PDCD2: variants seen among roughly 807,000 people sequenced by gnomAD.
PDCD2 encodes the protein uS5 assembly chaperone PDCD2.
In PDCD2, 38 loss-of-function variants were observed where a neutral mutation model predicts 38.1. The ratio of observed to expected loss-of-function variants is 1.00; its 90% CI spans 0.77 to 1.31. PDCD2 has a LOEUF of 1.31. PDCD2 is among the 50% of genes most tolerant of loss of function. The pLI, the probability that PDCD2 is intolerant of heterozygous loss-of-function variation, is 0.00. For missense variants in PDCD2, 473 were observed against 435.7 expected (o/e 1.09, Z -0.76); for synonymous variants, 205 against 168.9 (o/e 1.21, Z -1.66).
At chr6:170,577,797 G>A in intron 5 of PDCD2, 80 bp from the exon 6 acceptor site, 1 of 1,340,864 alleles carries the variant, frequency 7.5e-7, no homozygotes, top group Non-Finnish European at 1.0e-6. Flanking sequence ...ATGATTATAG[G>A]GATCTTGGTC....
In PDCD2 at chr6:170,584,388, T is replaced by TA. The variant is rs1779740952; in HGVS notation, c.193dup (p.Tyr65LeufsTer33). On this transcript the variant is annotated frameshift_variant, in exon 1 of 6. Transcript: ENST00000541970. LOFTEE classifies it high-confidence loss of function. ...GTCCGGGCGGCCAGGCAGCGGCGCA[T>TA]ACACCTGCAGCAGGAAGGAGAGCGG... 23 of 1,474,176 alleles carry TA rather than the reference T, an allele frequency of 1.6e-5. No individual in the cohort carries two copies. Among genetic ancestry groups the TA allele is most frequent in the Non-Finnish European group, 2.1e-5 (23 of 1,117,358 alleles). 91.3% of individuals were successfully genotyped at this position (1,474,176 alleles called of 1,614,324 possible).
In PDCD2 at chr6:170,580,119, G is replaced by C. The variant is rs772743025; in HGVS notation, c.659-14C>G. 1.3e-6 allele frequency: 2 copies of C among 1,502,350 alleles called. No homozygotes were observed. Among genetic ancestry groups the C allele is most frequent in the South Asian group, 1.1e-5 (1 of 88,734 alleles). The allele number at this position is 1,502,350 out of a possible 1,614,324, so 93.1% of individuals were successfully genotyped here. A position where few individuals can be genotyped will look rare whatever the true frequency, so the allele number is the denominator to read the frequency against. On this transcript the variant is annotated splice_polypyrimidine_tract_variant and intron_variant, in intron 3 of 5. Transcript: ENST00000541970. ...CAAGTGCTTCACCTGAAAAATCAAC[G>C]TAACTATTATGAAAAACAGGAGTAA... is the stretch of plus-strand genomic sequence containing the variant.
Position 170,577,700 on chromosome 6 carries a change from T to G in PDCD2, c.894A>C (p.Leu298=). The stretch of plus-strand genomic sequence containing the variant: ...CCAGTCTGTCAGCCTTCAGGTAGTT[T>G]AGGAGCTGAGGCATGACCTGAGAAG... ...ILEFQVMPQL[L]NYLKADRLGK... The change falls in exon 6 of 6, where the codon CTA becomes CTC. Residue 298 remains leucine, a synonymous_variant. Coordinates refer to ENST00000541970, the MANE Select transcript of PDCD2 (RefSeq NM_002598.4). The G allele has an allele frequency of 1.2e-6, 2 of 1,612,814 alleles. No homozygotes were observed. The highest frequency in any genetic ancestry group is 2.2e-5 in the East Asian group (1 of 44,878).
At chr6:170,583,832 A>AC (rs17875293) in intron 1 of PDCD2, 85 bp from the exon 2 acceptor site, 164 of 925,384 alleles carry the variant, frequency 1.8e-4, no homozygotes, top group Middle Eastern at 2.5e-4. Context: ...AACTGAAAAT[A>AC]ACAACAACAA....
At chr6:170,579,942 T>C in intron 4 of PDCD2, 60 bp downstream of exon 4, 1 of 877,550 alleles carries the variant, frequency 1.1e-6, no homozygotes, top group Non-Finnish European at 1.9e-6. Flanking sequence ...TTCTTACAGA[T>C]TATACTCATA....
At chr6:170,583,314 T>A in intron 2 of PDCD2, 126 bp from the exon 3 acceptor site, 1 of 908,456 alleles carries the variant, frequency 1.1e-6, no homozygotes, top group Non-Finnish European at 1.7e-6. Context: ...ATAAATTAAA[T>A]GCCTATATGG....
chr6:170,580,230 G>T, intron 3 of PDCD2, 125 bp from the exon 4 acceptor site: 1 of 624,132 alleles, frequency 1.6e-6, no homozygotes, highest in Non-Finnish European at 2.8e-6. Context: ...ATTCAAGTTG[G>T]ACCATCTGAA....
At chr6:170,579,921 T>A (rs1478396071) in intron 4 of PDCD2, 81 bp downstream of exon 4, 1 of 787,090 alleles carries the variant, frequency 1.3e-6, no homozygotes, top group East Asian at 2.4e-5. Context: ...CTAATGTTAC[T>A]ATGAAGTTAT....
rs1338569072 is a variant in PDCD2 at position 170,584,562 on chromosome 6, C to T, written c.20G>A (p.Arg7Lys). The T allele has an allele frequency of 5.4e-6, 7 of 1,290,872 alleles. No homozygotes were observed. The South Asian group carries it at 9.6e-5, about 18-fold the overall frequency. 80.0% of individuals were successfully genotyped at this position (1,290,872 alleles called of 1,614,324 possible). A position where few individuals can be genotyped will look rare whatever the true frequency, so the allele number is the denominator to read the frequency against. MAAAGA[R>K]PVELGFAESA... Reference sequence around the variant, plus strand: ...CTCGGCGAAGCCCAGCTCCACAGGCCTGGCCCCGGCGGCAGCCATGCGGGG... The same window carrying T: ...CTCGGCGAAGCCCAGCTCCACAGGCTTGGCCCCGGCGGCAGCCATGCGGGG... Residue 7 changes from arginine to lysine, a missense_variant, in exon 1 of 6, where the codon AGG becomes AAG. Arg to Lys is a conservative substitution (Grantham distance 26). Transcript: ENST00000541970.
At position 170,575,762 on chromosome 6, in the gene PDCD2, G is replaced by A. The variant is rs935051377; in HGVS notation, c.*1797C>T. 2.0e-5 allele frequency: 3 copies of A among 152,064 alleles called. No individual in the cohort carries two copies. The highest frequency in any genetic ancestry group is 2.1e-4 in the South Asian group (1 of 4,820). The allele number at this position is 152,064 out of a possible 1,614,324, so 9.4% of individuals were successfully genotyped here. ...ATGGAAAGGCCCTGTAAACTGTTAC[G>A]ATCATCTCCAGAGGTTAACTGGAAT... On this transcript the variant is annotated 3_prime_UTR_variant, in exon 6 of 6. Coordinates refer to ENST00000541970, the MANE Select transcript of PDCD2 (RefSeq NM_002598.4).
At chr6:170,580,387 C>G (rs769325657) in intron 3 of PDCD2, among the ~76,000 whole-genome samples, 1 of 152,184 alleles carries the variant, frequency 6.6e-6, no homozygotes, top group Admixed American at 6.5e-5. Flanking sequence ...TCATTAGTAT[C>G]CTCAGCTGGT....
chr6:170,584,011 C>T (rs1779719403), intron 1 of PDCD2: 1 of 548,126 alleles, frequency 1.8e-6, no homozygotes, highest in African/African-American at 1.9e-5. Context: ...CTACTGGGAT[C>T]CATCTTTCCA....
intron 1 of PDCD2, 60 bp from the exon 2 acceptor site, chr6:170,583,807 A>G: frequency 7.7e-7 from 1 of 1,299,320 alleles, no homozygotes; most frequent in African/African-American, 1.5e-5. Flanking sequence ...CACATATTTT[A>G]TCCTCTGCAC....
rs1411199368 is a variant in PDCD2, at chr6:170,577,598, TTC to T, written c.994_995del (p.Glu332ArgfsTer17). 1 of 1,614,048 alleles carries T rather than the reference TTC, an allele frequency of 6.2e-7. No individual in the cohort carries two copies. The highest frequency in any genetic ancestry group is 8.5e-7 in the Non-Finnish European group (1 of 1,180,030). On this transcript the variant is annotated frameshift_variant, in exon 6 of 6. Transcript: ENST00000541970. LOFTEE classifies it high-confidence loss of function. ...ESCSLGTGYT[E>X]EFVWKQDVTD... ...TTACATCCTGCTTCCACACAAATTC[TTC>T]TGTATAGCCAGTACCCAAGCTGCAG...
chr6:170,584,412 G>A lies in PDCD2; in HGVS notation c.170C>T (p.Pro57Leu), dbSNP rs61756020. The A allele has an allele frequency of 3.5e-6, 5 of 1,419,096 alleles. No homozygotes were observed. Among genetic ancestry groups the A allele is most frequent in the Non-Finnish European group, 4.6e-6 (5 of 1,091,150 alleles). The allele number at this position is 1,419,096 out of a possible 1,614,324, so 87.9% of individuals were successfully genotyped here. A position where few individuals can be genotyped will look rare whatever the true frequency, so the allele number is the denominator to read the frequency against. ...ATACACCTGCAGCAGGAAGGAGAGCGGGCGGCCGCACAGCTCGCAGGCCAG... is the reference window on the plus strand; with the variant it reads ...ATACACCTGCAGCAGGAAGGAGAGCAGGCGGCCGCACAGCTCGCAGGCCAG... The part of the protein sequence containing the change: ...QALACELCGR[P>L]LSFLLQVYAP... Residue 57 changes from proline (P) to leucine (L), a missense_variant, in exon 1 of 6, where the codon CCG becomes CTG. Transcript: ENST00000541970.
chr6:170,579,360 G>A (rs936821915), intron 4 of PDCD2: 3 of 172,460 alleles, frequency 1.7e-5, no homozygotes, highest in Admixed American at 6.3e-5. Flanking sequence ...AATACCAAGT[G>A]AAACATAGTG....
At position 170,576,567 on chromosome 6, in the gene PDCD2, A is replaced by G. The variant is rs1779456950; in HGVS notation, c.*992T>C. On this transcript the variant is annotated 3_prime_UTR_variant, in exon 6 of 6. Transcript: ENST00000541970. ...CAACTGTGAGCTGCTAGGGGATGGA[A>G]GAAACCTTAGTGTAGTCTTAGGAGC... The G allele has an allele frequency of 6.6e-6, 1 of 152,330 alleles. No homozygotes were observed. The highest frequency in any genetic ancestry group is 2.4e-5 in the African/African-American group (1 of 41,468). The allele number at this position is 152,330 out of a possible 1,614,324, so 9.4% of individuals were successfully genotyped here.
At chr6:170,582,405 G>A (rs2066954) in intron 3 of PDCD2, 2 of 1,486,502 alleles carry the variant, frequency 1.3e-6, no homozygotes, top group Non-Finnish European at 1.8e-6. Context: ...TTTTGTGTAT[G>A]GCTCAAGGCT....
chr6:170,582,976 C>T, intron 3 of PDCD2, 81 bp downstream of exon 3: 2 of 1,536,082 alleles, frequency 1.3e-6, no homozygotes, highest in Middle Eastern at 2.4e-4. Flanking sequence ...CCTCTCAGTA[C>T]CTCTCTTCTA....
Sources: gnomAD v4.1 joint callset for allele counts (sites outside exome capture counted in the v4.1 genomes callset) on GRCh38, gnomAD v4.1.1 for gene constraint, MANE v1.5 for transcripts, NCBI Gene and HGNC (gene_info 2026-07-23, HGNC 2026-07-21) for gene names.